The following CDH18 variants were observed in gnomAD, a reference collection of about 807,000 sequenced individuals.
The protein encoded by CDH18 is cadherin-18.
CDH18 carries 31 observed loss-of-function variants against 67.9 expected under a neutral mutation model. The observed-to-expected ratio is 0.46, with a 90% CI of 0.34 to 0.62. The LOEUF (loss-of-function observed/expected upper bound fraction) is 0.62. Ranked by LOEUF, CDH18 falls within the 20% of genes least tolerant of loss-of-function variation. The probability of loss-of-function intolerance (pLI) is 0.01; values close to 1 mark genes in which losing one functional copy is unlikely to be tolerated. For missense variants in CDH18, 890 were observed against 975.5 expected, an observed-to-expected ratio of 0.91 and a Z score of 1.17; for synonymous variants, 362 against 347.2, an observed-to-expected ratio of 1.04 and a Z score of -0.48.
chr5:20,310,726 A>G (rs1736904139), intron 1 of CDH18, among the ~76,000 whole-genome samples: 1 of 152,220 alleles, frequency 6.6e-6, no homozygotes, highest in African/African-American at 2.4e-5. Flanking sequence ...AGTATTTGAC[A>G]TGCTGTGCCA....
At chr5:20,128,496 T>A (rs1437609884) in intron 2 of CDH18, among the ~76,000 whole-genome samples, 1 of 152,116 alleles carries the variant, frequency 6.6e-6, no homozygotes, top group Non-Finnish European at 1.5e-5. Flanking sequence ...TGTTCTGACA[T>A]GTTTCCTTGG....
intron 9 of CDH18, among the ~76,000 whole-genome samples, chr5:19,537,360 C>G (rs2127028333): frequency 6.6e-6 from 1 of 151,994 alleles, no homozygotes; most frequent in Non-Finnish European, 1.5e-5. Context: ...ATAAATCTAC[C>G]TGTTCCCCCT....
chr5:20,020,604 A>G (rs1318256019), intron 2 of CDH18, among the ~76,000 whole-genome samples: 1 of 152,136 alleles, frequency 6.6e-6, no homozygotes, highest in African/African-American at 2.4e-5. Context: ...AGAGGGTGTA[A>G]GCCATAATAA....
At chr5:19,685,415 T>C (rs1272271438) in intron 5 of CDH18, among the ~76,000 whole-genome samples, 1 of 152,208 alleles carries the variant, frequency 6.6e-6, no homozygotes, top group Non-Finnish European at 1.5e-5. Context: ...TACAGGTTAT[T>C]ATTCCTGTTG....
chr5:20,208,686 A>T (rs1007913604), intron 2 of CDH18, among the ~76,000 whole-genome samples: 1 of 152,110 alleles, frequency 6.6e-6, no homozygotes, highest in Non-Finnish European at 1.5e-5. Flanking sequence ...GTAAAATCTC[A>T]AAAGCACAGA....
At chr5:19,857,608 G>A (rs1364463379) in intron 2 of CDH18, among the ~76,000 whole-genome samples, 1 of 152,054 alleles carries the variant, frequency 6.6e-6, no homozygotes, top group African/African-American at 2.4e-5. Context: ...TAGCATTCAG[G>A]ATCAGGTTTT....
Position 19,957,353 on chromosome 5 carries a change from T to C in CDH18, c.-257+23707A>G, listed in dbSNP as rs1796348087. On this transcript the variant is annotated intron_variant, in intron 2 of 12. Coordinates refer to ENST00000382275, the MANE Select transcript of CDH18 (RefSeq NM_004934.5). ...TGTAATTATAATTTATATTTATATG[T>C]CATTATATACATCAATAATAATATA... is the stretch of plus-strand genomic sequence containing the variant. Among the ~76,000 whole-genome samples the C allele has an allele frequency of 3.3e-5, 5 of 151,060 alleles. No homozygotes were observed. The Admixed American group carries it at 3.3e-4, about 10-fold the overall frequency.
rs981891690 is a variant in CDH18 at position 20,248,316 on chromosome 5, T to C, written c.-518+7128A>G. Reference sequence around the variant, plus strand: ...ATGAATAATACTGTTCATCAACAAATGTGCAAGATACTTGAAAGTGCATAA... The same window carrying C: ...ATGAATAATACTGTTCATCAACAAACGTGCAAGATACTTGAAAGTGCATAA... On this transcript the variant is annotated intron_variant, in intron 2 of 14. Coordinates refer to the CDH18 transcript ENST00000507958. 2.6e-5 allele frequency among the ~76,000 whole-genome samples: 4 copies of C among 152,328 alleles called. No individual in the cohort carries two copies. The East Asian group carries it at 7.7e-4, about 29-fold the overall frequency.
At chr5:20,176,070 C>A (rs1737207743) in intron 2 of CDH18, among the ~76,000 whole-genome samples, 1 of 152,190 alleles carries the variant, frequency 6.6e-6, no homozygotes, top group African/African-American at 2.4e-5. Flanking sequence ...ACAACCCTTT[C>A]TCCCCACCTA....
intron 2 of CDH18, among the ~76,000 whole-genome samples, chr5:19,912,013 C>A (rs146534358): frequency 6.6e-6 from 1 of 151,934 alleles, no homozygotes; most frequent in Non-Finnish European, 1.5e-5. Flanking sequence ...ATCATTGAAG[C>A]GGCAAGATTG....
At chr5:20,555,185 C>G (rs1051765108) in intron 1 of CDH18, among the ~76,000 whole-genome samples, 3 of 152,054 alleles carry the variant, frequency 2.0e-5, no homozygotes, top group Non-Finnish European at 4.4e-5. Context: ...TCCCCACATA[C>G]AAAAAGAGTT....
intron 9 of CDH18, among the ~76,000 whole-genome samples, chr5:19,536,176 A>G (rs1367493511): frequency 6.6e-6 from 1 of 152,172 alleles, no homozygotes; most frequent in Non-Finnish European, 1.5e-5. Flanking sequence ...TGACATGGTT[A>G]CAAGCCCATA....
rs1250511832 is a variant in CDH18, at chr5:20,545,701, C to T, written c.-580+29761G>A. ...CATAAAACCATTTTTCCCTCCTAGA[C>T]CTCCAGGACTGTGATGAGAGGGGCT... On this transcript the variant is annotated intron_variant, in intron 1 of 14. Coordinates refer to the CDH18 transcript ENST00000507958. 2.0e-5 allele frequency among the ~76,000 whole-genome samples: 3 copies of T among 152,314 alleles called. No individual in the cohort carries two copies. In the East Asian group the frequency reaches 5.8e-4, roughly 30 times the overall value.
intron 2 of CDH18, among the ~76,000 whole-genome samples, chr5:20,105,981 G>A (rs1166781747): frequency 6.6e-6 from 1 of 152,104 alleles, no homozygotes; most frequent in East Asian, 1.9e-4. Context: ...ATAGGTAGCT[G>A]TATTTTTGTT....
chr5:20,339,902 G>T (rs1293864006), intron 1 of CDH18, among the ~76,000 whole-genome samples: 1 of 152,192 alleles, frequency 6.6e-6, no homozygotes. Flanking sequence ...AAGCAGCAGA[G>T]AAATTTGAAG....
At chr5:19,580,155 T>G (rs1309627770) in intron 7 of CDH18, among the ~76,000 whole-genome samples, 1 of 151,892 alleles carries the variant, frequency 6.6e-6, no homozygotes, top group African/African-American at 2.4e-5. Flanking sequence ...CAAAGTTTTT[T>G]GGTTATAATT....
intron 2 of CDH18, among the ~76,000 whole-genome samples, chr5:20,210,923 T>A (rs1469556875): frequency 1.3e-5 from 2 of 152,068 alleles, no homozygotes; most frequent in Non-Finnish European, 2.9e-5. Flanking sequence ...ATACTTATCT[T>A]GTTTAATGAA....
intron 6 of CDH18, among the ~76,000 whole-genome samples, chr5:19,601,461 CA>C (rs1215741499): frequency 6.6e-6 from 1 of 152,008 alleles, no homozygotes; most frequent in African/African-American, 2.4e-5. Flanking sequence ...AATAAGCCAT[CA>C]AAAACTTCCC....
intron 10 of CDH18, among the ~76,000 whole-genome samples, chr5:19,519,029 G>C (rs1371829608): frequency 2.6e-5 from 4 of 152,162 alleles, no homozygotes; most frequent in East Asian, 1.9e-4. Flanking sequence ...ACGCCTAGCT[G>C]TACCCGGTCA....
Sources: gnomAD v4.1 joint callset for allele counts (sites outside exome capture counted in the v4.1 genomes callset) on GRCh38, gnomAD v4.1.1 for gene constraint, MANE v1.5 for transcripts, NCBI Gene and HGNC (gene_info 2026-07-23, HGNC 2026-07-21) for gene names.